Variants in RASGRF2 observed in about 807,000 individuals in gnomAD.
The protein encoded by RASGRF2 is ras-specific guanine nucleotide-releasing factor 2.
RASGRF2 carries 76 observed loss-of-function variants against 151.0 expected under a neutral mutation model. The ratio of observed to expected loss-of-function variants is 0.50; its 90% CI spans 0.42 to 0.61. RASGRF2 has a LOEUF of 0.61. Among genes scored for constraint, RASGRF2 ranks in the 20% least tolerant of loss-of-function variants. RASGRF2 has a pLI of 0.00. For missense variants in RASGRF2, 1,148 were observed against 1,564.6 expected (o/e 0.73, Z 4.49); for synonymous variants, 504 against 566.5 (o/e 0.89, Z 1.57).
chr5:81,112,268 A>G (rs1239726981), intron 13 of RASGRF2, among the ~76,000 whole-genome samples: 1 of 152,204 alleles, frequency 6.6e-6, no homozygotes, highest in Non-Finnish European at 1.5e-5. Flanking sequence ...AATAATACAA[A>G]TTTTTAAAAT....
intron 17 of RASGRF2, among the ~76,000 whole-genome samples, chr5:81,146,633 A>G (rs1248886518): frequency 6.6e-6 from 1 of 152,180 alleles, no homozygotes; most frequent in East Asian, 1.9e-4. Flanking sequence ...TTAGAAAAGA[A>G]TCCATAGAGA....
intron 18 of RASGRF2, among the ~76,000 whole-genome samples, chr5:81,193,155 A>G (rs1755186770): frequency 6.6e-6 from 1 of 152,204 alleles, no homozygotes; most frequent in East Asian, 1.9e-4. Flanking sequence ...GTGTTTATAG[A>G]ATCAGATTTT....
Position 81,080,747 on chromosome 5 carries a change from G to C in RASGRF2, c.1119G>C (p.Glu373Asp), listed in dbSNP as rs752774004. Residue 373 changes from glutamate to aspartate, a missense_variant, in exon 7 of 27, where the codon GAG (glutamate) becomes GAC (aspartate). This residue lies in a region of RASGRF2 where 176 missense variants were observed against 309.6 expected (regional missense o/e 0.57). Transcript: ENST00000265080. The part of the protein sequence containing the change: ...LKQYEANPAC[E>D]GRMLETFLTY... Reference sequence around the variant, plus strand: ...AGTATGAAGCCAATCCAGCCTGTGAGGGGAGGATGCTGGAGACATTCTTGA... The same window carrying C: ...AGTATGAAGCCAATCCAGCCTGTGACGGGAGGATGCTGGAGACATTCTTGA... 6.2e-6 allele frequency: 10 copies of C among 1,614,068 alleles called. No homozygotes were observed. In the Admixed American group the frequency reaches 1.7e-4, roughly 27 times the overall value.
intron 17 of RASGRF2, among the ~76,000 whole-genome samples, chr5:81,141,519 ATC>A (rs1374636338): frequency 6.6e-6 from 1 of 152,186 alleles, no homozygotes; most frequent in African/African-American, 2.4e-5. Context: ...TGAGCCTCAG[ATC>A]TCTCCACTGC....
chr5:81,213,641 C>G (rs926504086), intron 23 of RASGRF2, among the ~76,000 whole-genome samples: 1 of 152,138 alleles, frequency 6.6e-6, no homozygotes, highest in African/African-American at 2.4e-5. Flanking sequence ...CTTCATTTTG[C>G]CCTCCAAGCT....
intron 3 of RASGRF2, chr5:81,070,255 C>T (rs11738712): frequency 0.17 from 67,246 of 402,132 alleles, 6,865 homozygotes; most frequent in East Asian, 0.41. Flanking sequence ...TTCTGCTAGC[C>T]CAGATCCCCG....
chr5:81,208,091 C>G (rs928134099), intron 21 of RASGRF2, among the ~76,000 whole-genome samples: 6 of 152,150 alleles, frequency 3.9e-5, no homozygotes, highest in African/African-American at 1.4e-4. Context: ...TCAGAGAAGG[C>G]TTTATAGGAT....
chr5:81,013,954 A>G (rs996598572), intron 1 of RASGRF2, among the ~76,000 whole-genome samples: 5 of 152,100 alleles, frequency 3.3e-5, no homozygotes, highest in East Asian at 1.9e-4. Flanking sequence ...GAATGTTTTT[A>G]TACTCATTAG....
intron 5 of RASGRF2, among the ~76,000 whole-genome samples, chr5:81,078,096 A>G (rs1751988622): frequency 6.6e-6 from 1 of 152,216 alleles, no homozygotes; most frequent in Non-Finnish European, 1.5e-5. Flanking sequence ...TTTTATGGTT[A>G]CATAATACAT....
chr5:81,066,364 G>A (rs1341462393), intron 2 of RASGRF2, among the ~76,000 whole-genome samples: 1 of 152,166 alleles, frequency 6.6e-6, no homozygotes, highest in Admixed American at 6.5e-5. Context: ...AGGATGTTGA[G>A]ATAATTGATC....
chr5:81,229,929 T>A lies in RASGRF2; in HGVS notation c.*4159T>A, dbSNP rs1010314446. The A allele has an allele frequency of 6.6e-6, 1 of 152,256 alleles. No homozygotes were observed. Among genetic ancestry groups the A allele is most frequent in the Non-Finnish European group, 1.5e-5 (1 of 68,048 alleles). The allele number at this position is 152,256 out of a possible 1,614,324, so 9.4% of individuals were successfully genotyped here. A position where few individuals can be genotyped will look rare whatever the true frequency, so the allele number is the denominator to read the frequency against. On this transcript the variant is annotated 3_prime_UTR_variant, in exon 27 of 27. Coordinates refer to ENST00000265080, the MANE Select transcript of RASGRF2 (RefSeq NM_006909.3). ...CGCACATGAGGTCATCTGATTACTG[T>A]CCTCAGATCTCTTTTGTAGAGGATT...
intron 1 of RASGRF2, among the ~76,000 whole-genome samples, chr5:80,973,227 C>T (rs752209612): frequency 6.6e-6 from 1 of 152,138 alleles, no homozygotes; most frequent in African/African-American, 2.4e-5. Context: ...GAAGACCCAA[C>T]CATAGGTGGA....
chr5:81,204,523 T>TGAG (rs60995611), intron 19 of RASGRF2, among the ~76,000 whole-genome samples: 4,064 of 152,240 alleles, frequency 0.027, 159 homozygotes, highest in African/African-American at 0.092. Context: ...ATTAAGTGTA[T>TGAG]GATGAATACA....
At chr5:81,080,222 G>A (rs767745465) in intron 6 of RASGRF2, 22 bp downstream of exon 6, 3 of 1,584,312 alleles carry the variant, frequency 1.9e-6, no homozygotes, top group Non-Finnish European at 2.6e-6. Context: ...CTTTAAAGGT[G>A]TAAGATTTTC....
At chr5:80,977,092 G>A (rs1057437229) in intron 1 of RASGRF2, among the ~76,000 whole-genome samples, 1 of 152,208 alleles carries the variant, frequency 6.6e-6, no homozygotes, top group Non-Finnish European at 1.5e-5. Flanking sequence ...TGTGATTGTA[G>A]AGCCCCAACT....
intron 1 of RASGRF2, among the ~76,000 whole-genome samples, chr5:80,982,580 C>CTATTATGATTATTATTATTATTAT (rs1748336987): frequency 7.4e-6 from 1 of 135,170 alleles, no homozygotes; most frequent in Non-Finnish European, 1.6e-5. Flanking sequence ...AAATTTGGTT[C>CTATTATGATTATTATTATTATTAT]TATTATTATT....
At chr5:81,035,762 G>T (rs865848767) in intron 1 of RASGRF2, among the ~76,000 whole-genome samples, 1 of 152,252 alleles carries the variant, frequency 6.6e-6, no homozygotes, top group African/African-American at 2.4e-5. Flanking sequence ...GAATGTAAAG[G>T]TGTTGTTAAG....
intron 17 of RASGRF2, among the ~76,000 whole-genome samples, chr5:81,142,838 A>G (rs1226881444): frequency 2.0e-5 from 3 of 152,158 alleles, no homozygotes; most frequent in Non-Finnish European, 4.4e-5. Context: ...CCTTCTAAGC[A>G]TGGGCGGTGT....
rs1314247415 is a variant in RASGRF2 at position 81,171,771 on chromosome 5, C to G, written c.2687-8404C>G. ...ATGTTGTCACCTTTCTGCTTCTAAC[C>G]CATCCCTTTCCTTCTTGCCCCAGAC... On this transcript the variant is annotated intron_variant, in intron 17 of 26. Transcript: ENST00000265080. Among the ~76,000 whole-genome samples the G allele has an allele frequency of 2.0e-5, 3 of 152,134 alleles. No homozygotes were observed. The East Asian group carries it at 5.8e-4, about 29-fold the overall frequency.
Sources: allele counts gnomAD v4.1 joint callset (sites outside exome capture counted in the v4.1 genomes callset), GRCh38; gene constraint gnomAD v4.1.1; regional missense constraint gnomAD v4.1.1; transcripts MANE v1.5; gene names NCBI Gene and HGNC (gene_info 2026-07-23, HGNC 2026-07-21).